The following ARHGAP27 variants were observed in gnomAD, a reference collection of about 807,000 sequenced individuals.
The protein encoded by ARHGAP27 is rho GTPase-activating protein 27.
ARHGAP27 carries 53 observed loss-of-function variants against 102.0 expected under a neutral mutation model. That is an observed-to-expected ratio of 0.52 (90% CI 0.42 to 0.65). ARHGAP27 has a LOEUF of 0.65. Among genes scored for constraint, ARHGAP27 ranks in the 30% least tolerant of loss-of-function variants. ARHGAP27 has a pLI of 0.00. For missense variants in ARHGAP27, 1,117 were observed against 1,256.2 expected, an observed-to-expected ratio of 0.89 and a Z score of 1.68; for synonymous variants, 525 against 542.8, an observed-to-expected ratio of 0.97 and a Z score of 0.46.
In ARHGAP27 at chr17:45,429,817, GCGCGGGCCGCACGGGCGC is replaced by G. The variant is rs1169691546; in HGVS notation, c.445_462del (p.Ala149_Ala154del). On this transcript the variant is annotated inframe_deletion, in exon 4 of 20. Coordinates refer to ENST00000685559, the MANE Select transcript of ARHGAP27 (RefSeq NM_001282290.2). ...GCGCAGGCCAGGTCGTTCAGGGACT[GCGCGGGCCGCACGGGCGC>G]CGCGGGCCGCAGGTACAGGCAGGCT... is the stretch of plus-strand genomic sequence containing the variant. 10 of 1,446,036 alleles carry G rather than the reference GCGCGGGCCGCACGGGCGC, an allele frequency of 6.9e-6. No homozygotes were observed. Among genetic ancestry groups the G allele is most frequent in the African/African-American group, 3.0e-5 (2 of 66,384 alleles). 89.6% of individuals were successfully genotyped at this position (1,446,036 alleles called of 1,614,324 possible).
chr17:45,401,495 C>T (rs1418606313), intron 12 of ARHGAP27: 3 of 152,170 alleles, frequency 2.0e-5, no homozygotes, highest in Non-Finnish European at 4.4e-5. Context: ...AATCAGGAAA[C>T]TACACTCTCA....
intron 4 of ARHGAP27, among the ~76,000 whole-genome samples, chr17:45,423,210 AT>A (rs1422722925): frequency 2.6e-5 from 4 of 152,080 alleles, no homozygotes; most frequent in Non-Finnish European, 5.9e-5. Flanking sequence ...GAAAATACGC[AT>A]TTTTCTTATG....
chr17:45,397,264 A>C (rs2045865960), intron 13 of ARHGAP27: 18 of 1,391,056 alleles, frequency 1.3e-5, no homozygotes, highest in Non-Finnish European at 1.7e-5. Context: ...GTTCTCCCAC[A>C]CCCCTTCCTA....
chr17:45,404,899 G>A, intron 6 of ARHGAP27, 25 bp downstream of exon 6: 3 of 1,614,090 alleles, frequency 1.9e-6, no homozygotes, highest in African/African-American at 1.3e-5. Flanking sequence ...GAGGCTGTCC[G>A]GGTCCATCTG....
In ARHGAP27 at chr17:45,395,169, G is replaced by T; in HGVS notation, c.*287C>A. ...AACTCTCACCCCCACACACGCTATC[G>T]CACACGCACAGTAGGCGCGATGCAA... is the stretch of plus-strand genomic sequence containing the variant. On this transcript the variant is annotated 3_prime_UTR_variant, in exon 20 of 20. Coordinates refer to ENST00000685559, the MANE Select transcript of ARHGAP27 (RefSeq NM_001282290.2). 1 of 495,804 alleles carries T rather than the reference G, an allele frequency of 2.0e-6. No homozygotes were observed. Among genetic ancestry groups the T allele is most frequent in the Non-Finnish European group, 3.6e-6 (1 of 279,012 alleles). 30.7% of individuals were successfully genotyped at this position (495,804 alleles called of 1,614,324 possible).
At chr17:45,402,138 C>A (rs1044029950) in intron 12 of ARHGAP27, among the ~76,000 whole-genome samples, 2 of 152,124 alleles carry the variant, frequency 1.3e-5, no homozygotes, top group Non-Finnish European at 2.9e-5. Flanking sequence ...ACTGGGGATG[C>A]GGTCCAGTCG....
rs1387913664 is a variant in ARHGAP27 at position 45,427,593 on chromosome 17, T to G, written c.657+2030A>C. Among the ~76,000 whole-genome samples, 1 of 152,212 alleles carries G rather than the reference T, an allele frequency of 6.6e-6. No individual in the cohort carries two copies. The highest frequency in any genetic ancestry group is 1.5e-5 in the Non-Finnish European group (1 of 68,032). ...CGGGGGCAGGGCCAACTCCCTACCCTGGACTTTGTTGGGGGTGGAGCACCA... is the reference window on the plus strand; with the variant it reads ...CGGGGGCAGGGCCAACTCCCTACCCGGGACTTTGTTGGGGGTGGAGCACCA... On this transcript the variant is annotated intron_variant, in intron 4 of 19. Coordinates refer to ENST00000685559, the MANE Select transcript of ARHGAP27 (RefSeq NM_001282290.2). The surrounding 1 kb of genome is among the most constrained non-coding windows in gnomAD (Gnocchi z 4.5).
At position 45,404,317 on chromosome 17, in the gene ARHGAP27, A is replaced by T. The variant is rs763862087; in HGVS notation, c.1431T>A (p.Asp477Glu). 9.3e-6 allele frequency: 15 copies of T among 1,613,934 alleles called. No homozygotes were observed. Among genetic ancestry groups the T allele is most frequent in the Non-Finnish European group, 1.3e-5 (15 of 1,179,932 alleles). The part of the protein sequence containing the change: ...PPEEKVPAEL[D>E]EVGSWEEVSP... ...AGACTTCCTCCCAGCTCCCAACCTC[A>T]TCCAGCTCTGCTGGGACCTATGGGG... The change falls in exon 9 of 20, where the codon GAT (aspartate) becomes GAA (glutamate). Residue 477 changes from aspartate (D) to glutamate (E), a missense_variant. Physicochemically the swap from Asp to Glu is conservative, Grantham distance 45. Coordinates refer to ENST00000685559, the MANE Select transcript of ARHGAP27 (RefSeq NM_001282290.2).
intron 12 of ARHGAP27, among the ~76,000 whole-genome samples, 196 bp from the exon 13 acceptor site, chr17:45,398,243 T>C (rs1028512349): frequency 1.3e-5 from 2 of 152,222 alleles, no homozygotes; most frequent in African/African-American, 4.8e-5. Flanking sequence ...TGACAGCATC[T>C]CTGTGTTACA....
At chr17:45,421,315 C>T (rs1385476183) in intron 4 of ARHGAP27, among the ~76,000 whole-genome samples, 1 of 150,788 alleles carries the variant, frequency 6.6e-6, no homozygotes, top group Non-Finnish European at 1.5e-5. Flanking sequence ...CTTGTCTCTC[C>T]ATAAAATACA....
chr17:45,415,931 G>A (rs1430288911), intron 4 of ARHGAP27, among the ~76,000 whole-genome samples: 2 of 152,170 alleles, frequency 1.3e-5, no homozygotes, highest in African/African-American at 4.8e-5. Context: ...GAAATCTGAC[G>A]ATGGCTTAGG....
intron 4 of ARHGAP27, chr17:45,425,496 GA>G: frequency 1.1e-6 from 1 of 949,476 alleles, no homozygotes; most frequent in Non-Finnish European, 1.3e-6. Context: ...TAGGATTCGG[GA>G]AAGGGAGGGG....
chr17:45,419,621 A>AT (rs1222298317), intron 4 of ARHGAP27, among the ~76,000 whole-genome samples: 5 of 150,640 alleles, frequency 3.3e-5, no homozygotes, highest in Admixed American at 1.3e-4. Context: ...ATTGGACTAC[A>AT]TAAGTATATT....
In ARHGAP27 at chr17:45,398,065, A is replaced by AGT. The variant is rs757388391; in HGVS notation, c.1744-20_1744-19dup. Reference sequence around the variant, plus strand: ...CTCCGTAGCTGGAGGGACACAAGTCAGTGGGTCATCTCTGGTACCCTGGGT... The same window carrying AGT: ...CTCCGTAGCTGGAGGGACACAAGTCAGTGTGGGTCATCTCTGGTACCCTGGGT... On this transcript the variant is annotated intron_variant, in intron 12 of 19. Coordinates refer to ENST00000685559, the MANE Select transcript of ARHGAP27 (RefSeq NM_001282290.2). The AGT allele has an allele frequency of 9.4e-6, 15 of 1,590,914 alleles. No homozygotes were observed. Among genetic ancestry groups the AGT allele is most frequent in the Non-Finnish European group, 1.3e-5 (15 of 1,163,032 alleles).
rs1350672618 is a variant in ARHGAP27, at chr17:45,425,538, C to T, written c.657+4085G>A. ...TTGGGGAAACTGCTGTGGCCACCCCCTAGTCCCCCAGGGGCGAGGACTCAC... is the reference window on the plus strand; with the variant it reads ...TTGGGGAAACTGCTGTGGCCACCCCTTAGTCCCCCAGGGGCGAGGACTCAC... On this transcript the variant is annotated intron_variant, in intron 4 of 19. Transcript: ENST00000685559. The T allele has an allele frequency of 1.6e-5, 16 of 984,198 alleles. No homozygotes were observed. In the East Asian group the frequency reaches 1.2e-3, roughly 77 times the overall value. 61.0% of individuals were successfully genotyped at this position (984,198 alleles called of 1,614,324 possible).
At position 45,427,786 on chromosome 17, in the gene ARHGAP27, C is replaced by G. The variant is rs1423637384; in HGVS notation, c.657+1837G>C. 1.3e-5 allele frequency among the ~76,000 whole-genome samples: 2 copies of G among 152,206 alleles called. No homozygotes were observed. Among genetic ancestry groups the G allele is most frequent in the Non-Finnish European group, 2.9e-5 (2 of 68,022 alleles). ...TCTGGCCAATGTCCTAGATTCCCCC[C>G]CTGGGTAAGTCCCCTACCCCTATCA... is the stretch of plus-strand genomic sequence containing the variant. On this transcript the variant is annotated intron_variant, in intron 4 of 19. Coordinates refer to ENST00000685559, the MANE Select transcript of ARHGAP27 (RefSeq NM_001282290.2). This position sits in a 1 kb window ranked among gnomAD's most constrained non-coding sequence, Gnocchi z 4.5.
rs760119685 is a variant in ARHGAP27 at position 45,404,993 on chromosome 17, G to A, written c.1179C>T (p.Pro393=). The A allele has an allele frequency of 1.2e-6, 2 of 1,614,020 alleles. No homozygotes were observed. Among genetic ancestry groups the A allele is most frequent in the African/African-American group, 2.7e-5 (2 of 74,924 alleles). ...GGCTGACATGACAAGACCAGCCGGGGGGTGTGGTCAAGGGAGAGGTAGGGC... is the reference window on the plus strand; with the variant it reads ...GGCTGACATGACAAGACCAGCCGGGAGGTGTGGTCAAGGGAGAGGTAGGGC... ...EPGPTSPLTT[P]PGWSCHVSQD... is the part of the protein sequence containing the mutation. The change falls in exon 6 of 20, where the codon CCC becomes CCT. Residue 393 remains proline (P), a synonymous_variant. Transcript: ENST00000685559.
At chr17:45,421,817 A>G (rs982554293) in intron 4 of ARHGAP27, among the ~76,000 whole-genome samples, 1 of 152,240 alleles carries the variant, frequency 6.6e-6, no homozygotes, top group Non-Finnish European at 1.5e-5. Context: ...GTTAAATGAA[A>G]TGTGAACAGA....
intron 4 of ARHGAP27, among the ~76,000 whole-genome samples, chr17:45,423,446 T>C (rs1345035820): frequency 1.3e-5 from 2 of 152,214 alleles, no homozygotes; most frequent in Non-Finnish European, 2.9e-5. Flanking sequence ...GAGGGTTTCA[T>C]GAGCGGGAAC....
Sources: gnomAD v4.1 joint callset for allele counts (sites outside exome capture counted in the v4.1 genomes callset) on GRCh38, gnomAD v4.1.1 for gene constraint, Gnocchi (gnomAD v3.1) non-coding constraint, MANE v1.5 for transcripts, NCBI Gene and HGNC (gene_info 2026-07-23, HGNC 2026-07-21) for gene names.